The following XPO1 variants were observed in gnomAD, a reference collection of about 807,000 sequenced individuals.
The protein encoded by XPO1 is exportin 1, also known as exportin-1.
In XPO1, 5 loss-of-function variants were observed where a neutral mutation model predicts 133.3. That is an observed-to-expected ratio of 0.04 (90% CI 0.02 to 0.08). The LOEUF is 0.08. Among genes scored for constraint, XPO1 ranks in the 10% least tolerant of loss-of-function variants. The pLI, the probability that XPO1 is intolerant of heterozygous loss-of-function variation, is 1.00. For synonymous variants in XPO1, 419 were observed against 408.2 expected, an observed-to-expected ratio of 1.03 and a Z score of -0.32; for missense variants, 506 against 1,267.5, an observed-to-expected ratio of 0.40 and a Z score of 9.12.
At position 61,501,952 on chromosome 2, in the gene XPO1, A is replaced by G. The variant is rs1025856583; in HGVS notation, c.408+44T>C. Reference sequence around the variant, plus strand: ...GTAGGTCGAACATTTTGTTCAAATAATAAGCATAATTCTTCTAAGGAAAAC... The same window carrying G: ...GTAGGTCGAACATTTTGTTCAAATAGTAAGCATAATTCTTCTAAGGAAAAC... On this transcript the variant is annotated intron_variant, in intron 6 of 24. Transcript: ENST00000401558. 4.7e-6 allele frequency: 7 copies of G among 1,496,146 alleles called. No homozygotes were observed. In the African/African-American group the frequency reaches 8.5e-5, roughly 18 times the overall value. The allele number at this position is 1,496,146 out of a possible 1,614,324, so 92.7% of individuals were successfully genotyped here. A position where few individuals can be genotyped will look rare whatever the true frequency, so the allele number is the denominator to read the frequency against.
Position 61,482,941 on chromosome 2 carries a change from C to A in XPO1, c.2812+16G>T, listed in dbSNP as rs367849582. On this transcript the variant is annotated intron_variant, in intron 22 of 24. Transcript: ENST00000401558. ...CCCAGCTGGCACTTAACATTTAAAT[C>A]GTATTAAATTCTTACCAGCAGTATG... 119 of 1,612,730 alleles carry A rather than the reference C, an allele frequency of 7.4e-5. No homozygotes were observed. Among genetic ancestry groups the A allele is most frequent in the Admixed American group, 1.0e-4 (6 of 59,616 alleles).
At chr2:61,491,502 A>G (rs1696995009) in intron 16 of XPO1, among the ~76,000 whole-genome samples, 1 of 150,568 alleles carries the variant, frequency 6.6e-6, no homozygotes, top group African/African-American at 2.4e-5. Flanking sequence ...ACACACCCCA[A>G]AACAAAACAA....
chr2:61,491,177 T>C (rs1045189515), intron 16 of XPO1, among the ~76,000 whole-genome samples: 3 of 151,404 alleles, frequency 2.0e-5, no homozygotes, highest in Non-Finnish European at 4.4e-5. Context: ...CAACCCAAAC[T>C]GGCCAGGCAT....
chr2:61,522,501 A>T, intron 4 of XPO1, 110 bp downstream of exon 4: 3 of 981,600 alleles, frequency 3.1e-6, no homozygotes, highest in Non-Finnish European at 4.6e-6. Context: ...AATAAGCTCC[A>T]TTAGAGCAAA....
chr2:61,503,626 G>A (rs1573159616), intron 4 of XPO1, among the ~76,000 whole-genome samples: 1 of 151,922 alleles, frequency 6.6e-6, no homozygotes, highest in Non-Finnish European at 1.5e-5. Flanking sequence ...GGGTTTCACC[G>A]TGTTAGCCAG....
At chr2:61,493,369 C>T (rs2104441483) in intron 12 of XPO1, 1 of 210,948 alleles carries the variant, frequency 4.7e-6, no homozygotes, top group Non-Finnish European at 9.4e-6. Context: ...ATTTGCTAGG[C>T]ATGGTGGTGT....
At chr2:61,479,237 G>T (rs916573073) in intron 24 of XPO1, among the ~76,000 whole-genome samples, 3 of 152,072 alleles carry the variant, frequency 2.0e-5, no homozygotes, top group Admixed American at 6.6e-5. Flanking sequence ...GGCAGAGACG[G>T]GAAGAATACT....
At chr2:61,483,294 A>C in intron 21 of XPO1, 1 of 518,284 alleles carries the variant, frequency 1.9e-6, no homozygotes, top group Non-Finnish European at 3.3e-6. Flanking sequence ...AAATTATAAT[A>C]AGTTGTGTGA....
intron 21 of XPO1, chr2:61,483,389 A>G: frequency 3.5e-6 from 1 of 287,512 alleles, no homozygotes; most frequent in Non-Finnish European, 6.5e-6. Flanking sequence ...TGGGTGAGGG[A>G]TAAGACTACA....
At chr2:61,482,034 CTTT>C (rs1195049382) in intron 23 of XPO1, among the ~76,000 whole-genome samples, 1,547 of 71,276 alleles carry the variant, frequency 0.022, 29 homozygotes, top group African/African-American at 0.068. Context: ...CGTGCGTGGC[CTTT>C]TTTTTTTTTT....
chr2:61,520,174 G>A (rs1201685031), intron 4 of XPO1, among the ~76,000 whole-genome samples: 4 of 152,176 alleles, frequency 2.6e-5, no homozygotes, highest in African/African-American at 4.8e-5. Context: ...AAAGCAAAGC[G>A]AATACCTTTA....
chr2:61,491,494 A>ACC (rs1558638230), intron 16 of XPO1, among the ~76,000 whole-genome samples: 1 of 147,516 alleles, frequency 6.8e-6, no homozygotes, highest in Non-Finnish European at 1.5e-5. Context: ...ACACACACAC[A>ACC]CACCCCAAAA....
chr2:61,479,103 G>T (rs904222861), intron 24 of XPO1, 137 bp from the exon 25 acceptor site: 11 of 969,968 alleles, frequency 1.1e-5, no homozygotes, highest in Non-Finnish European at 1.6e-5. Context: ...TAAATTATAG[G>T]ATAGTGACAC....
intron 1 of XPO1, chr2:61,536,450 T>A (rs1699357070): frequency 6.6e-6 from 1 of 152,266 alleles, no homozygotes; most frequent in Non-Finnish European, 1.5e-5. Context: ...TTATCCAGCT[T>A]AATGGATAAT....
chr2:61,520,144 A>G (rs1698618875), intron 4 of XPO1, among the ~76,000 whole-genome samples: 1 of 152,212 alleles, frequency 6.6e-6, no homozygotes, highest in African/African-American at 2.4e-5. Context: ...GTAGTTGGAC[A>G]AAGGGTATAG....
At chr2:61,498,625 A>G in intron 9 of XPO1, 48 bp downstream of exon 9, 1 of 1,604,640 alleles carries the variant, frequency 6.2e-7, no homozygotes, top group Non-Finnish European at 8.5e-7. Context: ...TGTGAAAAGA[A>G]TATATGTGGC....
In XPO1 at chr2:61,488,740, A is replaced by T; in HGVS notation, c.2054T>A (p.Val685Asp). ...TTTCAAAATGCTACCAAGCTGCTTGACTGTTTCAGGATCTTTCAGTATATC... is the reference window on the plus strand; with the variant it reads ...TTTCAAAATGCTACCAAGCTGCTTGTCTGTTTCAGGATCTTTCAGTATATC... ...NVDILKDPET[V>D]KQLGSILKTN... Residue 685 changes from valine to aspartate, a missense_variant, in exon 18 of 25, where the codon GTC becomes GAC. Val to Asp is a radical substitution (Grantham distance 152). Transcript: ENST00000401558. 6.2e-7 allele frequency: 1 copy of T among 1,614,096 alleles called. No homozygotes were observed. The highest frequency in any genetic ancestry group is 8.5e-7 in the Non-Finnish European group (1 of 1,180,010).
At chr2:61,514,507 C>A (rs543564081) in intron 4 of XPO1, among the ~76,000 whole-genome samples, 32 of 151,060 alleles carry the variant, frequency 2.1e-4, no homozygotes, top group Non-Finnish European at 4.7e-4. Context: ...GCAGGAGAAT[C>A]GCTTGAACCC....
rs896608077 is a variant in XPO1 at position 61,527,925 on chromosome 2, TTCTC to T, written c.127-1408_127-1405del. 1.7e-4 allele frequency among the ~76,000 whole-genome samples: 26 copies of T among 151,952 alleles called. No individual in the cohort carries two copies. The Middle Eastern group carries it at 0.01, about 60-fold the overall frequency. On this transcript the variant is annotated intron_variant, in intron 2 of 24. Coordinates refer to ENST00000401558, the MANE Select transcript of XPO1 (RefSeq NM_003400.4). The stretch of plus-strand genomic sequence containing the variant: ...GCCATTTCCTTCCTTTATTCCTTTT[TTCTC>T]TCTTTTTTTTTTTTAAAGTTGGAGT...
Sources: allele counts gnomAD v4.1 joint callset (sites outside exome capture counted in the v4.1 genomes callset), GRCh38; gene constraint gnomAD v4.1.1; transcripts MANE v1.5; gene names NCBI Gene and HGNC (gene_info 2026-07-23, HGNC 2026-07-21).